The following SPINT2 variants were observed in gnomAD, a reference collection of about 807,000 sequenced individuals.
The protein encoded by SPINT2 is kunitz-type protease inhibitor 2.
SPINT2 carries 18 observed loss-of-function variants against 30.1 expected under a neutral mutation model. The ratio of observed to expected loss-of-function variants is 0.60; its 90% CI spans 0.41 to 0.89. SPINT2 has a LOEUF of 0.89. Ranked by LOEUF, SPINT2 falls within the 40% of genes least tolerant of loss-of-function variation. SPINT2 has a pLI of 0.00. For synonymous variants in SPINT2, 139 were observed against 137.9 expected, an observed-to-expected ratio of 1.01 and a Z score of -0.05; for missense variants, 276 against 334.3, an observed-to-expected ratio of 0.83 and a Z score of 1.36.
intron 1 of SPINT2, among the ~76,000 whole-genome samples, chr19:38,266,613 C>CTG (rs1209733095): frequency 6.6e-6 from 1 of 151,508 alleles, no homozygotes; most frequent in Non-Finnish European, 1.5e-5. Context: ...GAGGCGGAGG[C>CTG]TGTAGTGAGC....
At position 38,292,001 on chromosome 19, in the gene SPINT2, C is replaced by T; in HGVS notation, c.754C>T (p.Leu252=). Residue 252 remains leucine, a synonymous_variant, in exon 7 of 7, where the codon CTG becomes TTG. Transcript: ENST00000301244. ...KEQLVKNTYV[L] ...GCAGCTGGTGAAGAACACATATGTCCTGTGACCGCCCTGTCGCCAAGAGGA... is the reference window on the plus strand; with the variant it reads ...GCAGCTGGTGAAGAACACATATGTCTTGTGACCGCCCTGTCGCCAAGAGGA... 1 of 1,614,004 alleles carries T rather than the reference C, an allele frequency of 6.2e-7. No homozygotes were observed.
chr19:38,270,543 GGTGT>G, intron 1 of SPINT2, among the ~76,000 whole-genome samples: 1 of 152,196 alleles, frequency 6.6e-6, no homozygotes. Flanking sequence ...TGTCAGGGTT[GGTGT>G]GCTTAGCACT....
chr19:38,278,721 G>C (rs554775727), intron 1 of SPINT2, among the ~76,000 whole-genome samples: 1 of 152,288 alleles, frequency 6.6e-6, no homozygotes, highest in South Asian at 2.1e-4. Context: ...AGGATTGCTT[G>C]AGCTCAGGAG....
At chr19:38,275,497 A>G (rs1428855067) in intron 1 of SPINT2, among the ~76,000 whole-genome samples, 2 of 151,560 alleles carry the variant, frequency 1.3e-5, no homozygotes, top group Non-Finnish European at 2.9e-5. Flanking sequence ...GCTAAGTTTT[A>G]TATTTTTAGT....
rs1018744264 is a variant in SPINT2, at chr19:38,264,861, G to T, written c.-32G>T. On this transcript the variant is annotated 5_prime_UTR_variant, in exon 1 of 7. Coordinates refer to ENST00000301244, the MANE Select transcript of SPINT2 (RefSeq NM_021102.4). ...TGATCGCGAGACCCCAACGGCTGGT[G>T]GCGTCGCCTGCGCGTCTCGGCTGAG... 19 of 1,529,728 alleles carry T rather than the reference G, an allele frequency of 1.2e-5. No homozygotes were observed. Among genetic ancestry groups the T allele is most frequent in the Non-Finnish European group, 1.7e-5 (19 of 1,143,096 alleles). The allele number at this position is 1,529,728 out of a possible 1,614,324, so 94.8% of individuals were successfully genotyped here.
rs116861008 is a variant in SPINT2 at position 38,277,566 on chromosome 19, G to A, written c.107-6061G>A. Among the ~76,000 whole-genome samples, 376 of 152,254 alleles carry A rather than the reference G, an allele frequency of 2.5e-3. 9 individuals are homozygous for A. In the East Asian group the frequency reaches 0.047, roughly 19 times the overall value. On this transcript the variant is annotated intron_variant, in intron 1 of 6. Coordinates refer to ENST00000301244, the MANE Select transcript of SPINT2 (RefSeq NM_021102.4). ...TTGGGACCCCTCAGAATTCTATAAT[G>A]TCCTTCTTAGAAGGTGACAGCAGAT...
chr19:38,274,181 G>A (rs1054023348), intron 1 of SPINT2, among the ~76,000 whole-genome samples: 5 of 151,456 alleles, frequency 3.3e-5, no homozygotes, highest in Admixed American at 2.6e-4. Context: ...AGCCAAGATT[G>A]TACCACTGTA....
chr19:38,289,913 C>G, intron 4 of SPINT2: 1 of 631,740 alleles, frequency 1.6e-6, no homozygotes, highest in Non-Finnish European at 2.8e-6. Context: ...AGAGAGCAGC[C>G]TTCAAAGCTC....
chr19:38,282,568 C>G (rs189134880), intron 1 of SPINT2, among the ~76,000 whole-genome samples: 1 of 152,166 alleles, frequency 6.6e-6, no homozygotes, highest in Non-Finnish European at 1.5e-5. Context: ...GAGAGCGTAC[C>G]GACCTTTTGC....
intron 6 of SPINT2, 198 bp from the exon 7 acceptor site, chr19:38,291,642 T>C: frequency 1.6e-6 from 1 of 627,986 alleles, no homozygotes; most frequent in East Asian, 2.9e-5. Context: ...GGCGCCTCCT[T>C]TTTTGGGGGA....
At chr19:38,281,672 G>A (rs1382148658) in intron 1 of SPINT2, among the ~76,000 whole-genome samples, 2 of 151,720 alleles carry the variant, frequency 1.3e-5, no homozygotes, top group African/African-American at 4.8e-5. Flanking sequence ...TCACGCCTCT[G>A]CACTCCAGCC....
intron 1 of SPINT2, among the ~76,000 whole-genome samples, chr19:38,281,700 ACT>A (rs1044331417): frequency 5.3e-5 from 8 of 151,182 alleles, no homozygotes; most frequent in African/African-American, 1.5e-4. Flanking sequence ...CAAGAGTGAA[ACT>A]CTGTCTCAAA....
In SPINT2 at chr19:38,264,658, A is replaced by G; in HGVS notation, c.-235A>G. 1.9e-6 allele frequency: 1 copy of G among 534,696 alleles called. No homozygotes were observed. The highest frequency in any genetic ancestry group is 2.2e-5 in the South Asian group (1 of 45,512). 33.1% of individuals were successfully genotyped at this position (534,696 alleles called of 1,614,324 possible). ...GGGCCGTTGAGTGTCGCAGGCGGCG[A>G]GGGCGCGAGTGAGGAGCAGACCCAG... On this transcript the variant is annotated 5_prime_UTR_variant, in exon 1 of 7. Coordinates refer to ENST00000301244, the MANE Select transcript of SPINT2 (RefSeq NM_021102.4).
intron 6 of SPINT2, chr19:38,291,146 C>T (rs368102482): frequency 1.2e-5 from 2 of 172,708 alleles, no homozygotes; most frequent in African/African-American, 4.8e-5. Flanking sequence ...CCTGGTTTGC[C>T]AGGCACGGGG....
intron 1 of SPINT2, among the ~76,000 whole-genome samples, chr19:38,276,535 G>A (rs541160081): frequency 6.6e-6 from 1 of 151,928 alleles, no homozygotes; most frequent in Non-Finnish European, 1.5e-5. Flanking sequence ...CCAGCTACTC[G>A]GGAGGCTGAG....
rs1968661740 is a variant in SPINT2 at position 38,287,898 on chromosome 19, C to T, written c.300C>T (p.Ala100=). The T allele has an allele frequency of 1.9e-6, 3 of 1,614,180 alleles. No homozygotes were observed. The highest frequency in any genetic ancestry group is 1.1e-5 in the South Asian group (1 of 91,080). ...CAGAGAATGCCACGGGTGACCTGGCCACCAGCAGGAATGCAGCGGATTCCT... is the reference window on the plus strand; with the variant it reads ...CAGAGAATGCCACGGGTGACCTGGCTACCAGCAGGAATGCAGCGGATTCCT... ...TVTENATGDL[A]TSRNAADSSV... is the part of the protein sequence containing the mutation. The change falls in exon 3 of 7, where the codon GCC becomes GCT. Residue 100 remains alanine, a synonymous_variant. Coordinates refer to ENST00000301244, the MANE Select transcript of SPINT2 (RefSeq NM_021102.4).
chr19:38,280,777 C>T (rs974778898), intron 1 of SPINT2, among the ~76,000 whole-genome samples: 15 of 152,244 alleles, frequency 9.9e-5, no homozygotes, highest in Admixed American at 3.3e-4. Flanking sequence ...CCTGCCTGGG[C>T]GCCGGGTGTT....
intron 1 of SPINT2, among the ~76,000 whole-genome samples, chr19:38,278,465 T>C (rs748987957): frequency 1.3e-5 from 2 of 152,226 alleles, no homozygotes; most frequent in African/African-American, 2.4e-5. Context: ...TTCACAGTTT[T>C]ATTGTGACCA....
intron 2 of SPINT2, 123 bp from the exon 3 acceptor site, chr19:38,287,753 T>A: frequency 9.6e-7 from 1 of 1,042,900 alleles, no homozygotes; most frequent in Non-Finnish European, 1.5e-6. Context: ...GCATGCACAT[T>A]GAAGGTCCCA....
Sources: allele counts gnomAD v4.1 joint callset (sites outside exome capture counted in the v4.1 genomes callset), GRCh38; gene constraint gnomAD v4.1.1; transcripts MANE v1.5; gene names NCBI Gene and HGNC (gene_info 2026-07-23, HGNC 2026-07-21).